Variants in KLHL4 observed in about 807,000 individuals in gnomAD.
KLHL4 encodes kelch-like protein 4.
KLHL4 carries 17 observed loss-of-function variants against 45.8 expected under a neutral mutation model. That is an observed-to-expected ratio of 0.37 (90% CI 0.25 to 0.56). KLHL4 has a LOEUF of 0.56. Among genes scored for constraint, KLHL4 ranks in the 20% least tolerant of loss-of-function variants. KLHL4 has a pLI of 0.79. For synonymous variants in KLHL4, 224 were observed against 189.9 expected (o/e 1.18, Z -1.47); for missense variants, 544 against 544.9 (o/e 1.00, Z 0.02).
intron 1 of KLHL4, among the ~76,000 whole-genome samples, chrX:87,587,646 C>T (rs903746301): frequency 2.7e-5 from 3 of 111,070 alleles, no homozygotes; most frequent in Non-Finnish European, 3.8e-5. Flanking sequence ...ATAGAGGGAA[C>T]GTATCTCAAC....
intron 1 of KLHL4, among the ~76,000 whole-genome samples, chrX:87,569,062 C>G (rs1055938520): frequency 9.0e-6 from 1 of 110,915 alleles, no homozygotes; most frequent in South Asian, 3.8e-4. Context: ...AAAACATGTG[C>G]AAATCATGTA....
At chrX:87,608,781 C>T (rs747577196) in intron 1 of KLHL4, among the ~76,000 whole-genome samples, 3 of 110,729 alleles carry the variant, frequency 2.7e-5, no homozygotes, top group African/African-American at 9.9e-5. Flanking sequence ...TTTTATTATA[C>T]TTTAAGTTTT....
chrX:87,660,227 T>C (rs1602470498), intron 9 of KLHL4, among the ~76,000 whole-genome samples: 2 of 111,611 alleles, frequency 1.8e-5, no homozygotes, highest in Middle Eastern at 9.2e-3. Context: ...GGTACAAGCC[T>C]GACTACCAGA....
intron 9 of KLHL4, among the ~76,000 whole-genome samples, chrX:87,657,285 G>A (rs1924023905): frequency 8.9e-6 from 1 of 112,215 alleles, no homozygotes; most frequent in South Asian, 3.7e-4. Flanking sequence ...ACACCCAGTG[G>A]CCTGGGCTTT....
At chrX:87,622,991 G>C (rs1303462693) in intron 5 of KLHL4, among the ~76,000 whole-genome samples, 1 of 111,531 alleles carries the variant, frequency 9.0e-6, no homozygotes, top group Non-Finnish European at 1.9e-5. Flanking sequence ...CTGAATTTTG[G>C]AATGCAGTCT....
chrX:87,558,701 T>TGCAGAG (rs1356326961), intron 1 of KLHL4, among the ~76,000 whole-genome samples: 1 of 112,158 alleles, frequency 8.9e-6, no homozygotes, highest in African/African-American at 3.2e-5. Context: ...TCCTTTCATT[T>TGCAGAG]AATTTCTCAT....
intron 1 of KLHL4, among the ~76,000 whole-genome samples, chrX:87,563,437 CAAAG>C (rs1932141521): frequency 9.3e-6 from 1 of 107,853 alleles, no homozygotes; most frequent in African/African-American, 3.4e-5. Flanking sequence ...ATAAATTTAA[CAAAG>C]AAAGTGAAAT....
chrX:87,631,222 A>T (rs1923085754), intron 6 of KLHL4, among the ~76,000 whole-genome samples: 1 of 111,653 alleles, frequency 9.0e-6, no homozygotes, highest in Admixed American at 9.5e-5. Context: ...ATAAAAGGGA[A>T]GATGAAGCCT....
chrX:87,606,248 T>C (rs1464169948), intron 1 of KLHL4, among the ~76,000 whole-genome samples: 1 of 111,518 alleles, frequency 9.0e-6, no homozygotes, highest in Non-Finnish European at 1.9e-5. Flanking sequence ...TTTGAAAGTT[T>C]TTTTTTCTCA....
chrX:87,633,859 G>A lies in KLHL4; in HGVS notation c.1660G>A (p.Ala554Thr). Residue 554 changes from alanine to threonine, a missense_variant, in exon 8 of 11, where the codon GCC becomes ACC. By Grantham distance (58) the Ala-to-Thr change is moderately conservative. Coordinates refer to ENST00000373119, the MANE Select transcript of KLHL4 (RefSeq NM_019117.5). ...TGAGGGACGACAGTGGAATTACGTAGCCAGTATGTCAACTCCTAGAAGCAC... is the reference window on the plus strand; with the variant it reads ...TGAGGGACGACAGTGGAATTACGTAACCAGTATGTCAACTCCTAGAAGCAC... ...DPEGRQWNYV[A>T]SMSTPRSTVG... is the part of the protein sequence containing the mutation. 8.3e-7 allele frequency: 1 copy of A among 1,209,185 alleles called. No individual in the cohort carries two copies. Among genetic ancestry groups the A allele is most frequent in the Non-Finnish European group, 1.1e-6 (1 of 894,211 alleles).
At chrX:87,554,885 A>T (rs1931932889) in intron 1 of KLHL4, among the ~76,000 whole-genome samples, 1 of 104,255 alleles carries the variant, frequency 9.6e-6, no homozygotes. Flanking sequence ...ATTTTGAGAT[A>T]CGTCCCATCA....
At chrX:87,629,573 T>C (rs934089824) in intron 6 of KLHL4, among the ~76,000 whole-genome samples, 2 of 111,552 alleles carry the variant, frequency 1.8e-5, no homozygotes, top group African/African-American at 6.5e-5. Context: ...CTAATGTAGA[T>C]TTCTACAATT....
chrX:87,601,859 G>A (rs887094980), intron 1 of KLHL4, among the ~76,000 whole-genome samples: 1 of 111,234 alleles, frequency 9.0e-6, no homozygotes, highest in African/African-American at 3.3e-5. Context: ...TTATAGAGCC[G>A]TGTGCTGCCT....
At chrX:87,530,730 TAC>T (rs1417709496) in intron 1 of KLHL4, among the ~76,000 whole-genome samples, 5 of 102,151 alleles carry the variant, frequency 4.9e-5, no homozygotes, top group African/African-American at 1.5e-4. Flanking sequence ...GCAATAAACA[TAC>T]GTGTGCATGT....
intron 9 of KLHL4, among the ~76,000 whole-genome samples, chrX:87,653,165 G>T (rs1019586895): frequency 9.0e-6 from 1 of 111,634 alleles, no homozygotes; most frequent in African/African-American, 3.3e-5. Flanking sequence ...GATGAGATTT[G>T]GGTGTGGACA....
At chrX:87,582,224 C>T (rs181973469) in intron 1 of KLHL4, among the ~76,000 whole-genome samples, 4 of 111,439 alleles carry the variant, frequency 3.6e-5, no homozygotes, top group East Asian at 2.9e-4. Context: ...TCATAAGAAA[C>T]GAAAATTAGG....
intron 9 of KLHL4, among the ~76,000 whole-genome samples, chrX:87,637,551 G>T (rs2147827297): frequency 9.0e-6 from 1 of 111,683 alleles, no homozygotes; most frequent in Admixed American, 9.5e-5. Flanking sequence ...AGGTACGGGA[G>T]AATGGTGAAG....
chrX:87,603,937 TATG>T (rs768054415), intron 1 of KLHL4, among the ~76,000 whole-genome samples: 2 of 110,256 alleles, frequency 1.8e-5, no homozygotes, highest in Non-Finnish European at 3.8e-5. Context: ...TCCCCGCTTC[TATG>T]ATATCAACTC....
rs139479945 is a variant in KLHL4 at position 87,518,769 on chromosome X, G to A, written c.422+454G>A. 2.1e-4 allele frequency among the ~76,000 whole-genome samples: 24 copies of A among 111,729 alleles called. No individual in the cohort carries two copies. The East Asian group carries it at 6.2e-3, about 29-fold the overall frequency. On this transcript the variant is annotated intron_variant, in intron 1 of 10. Transcript: ENST00000373119. ...ATCTGTTTCCTTAGTACATAGTTGC[G>A]ATATTGACTCTTAAAACTGTGTTAT...
Sources: allele counts gnomAD v4.1 joint callset (sites outside exome capture counted in the v4.1 genomes callset), GRCh38; gene constraint gnomAD v4.1.1; transcripts MANE v1.5; gene names NCBI Gene and HGNC (gene_info 2026-07-23, HGNC 2026-07-21).